The following SSH2 variants were observed in gnomAD, a reference collection of about 807,000 sequenced individuals.
SSH2 encodes protein phosphatase Slingshot homolog 2.
Under a neutral mutation model 135.2 loss-of-function variants are expected in SSH2, and 37 were observed. The ratio of observed to expected loss-of-function variants is 0.27; its 90% CI spans 0.21 to 0.36. SSH2 has a LOEUF of 0.36. Ranked by LOEUF, SSH2 falls within the 10% of genes least tolerant of loss-of-function variation. The probability of loss-of-function intolerance (pLI) is 1.00; values close to 1 mark genes in which losing one functional copy is unlikely to be tolerated. For missense variants in SSH2, 1,408 were observed against 1,765.3 expected (o/e 0.80, Z 3.63); for synonymous variants, 628 against 646.2 (o/e 0.97, Z 0.43).
At chr17:29,909,188 C>A (rs1179812531) in intron 1 of SSH2, among the ~76,000 whole-genome samples, 1 of 152,126 alleles carries the variant, frequency 6.6e-6, no homozygotes, top group Non-Finnish European at 1.5e-5. Flanking sequence ...CATGACTTCT[C>A]TTATAGGAAA....
At chr17:29,896,487 G>A (rs1207069140) in intron 1 of SSH2, among the ~76,000 whole-genome samples, 1 of 149,442 alleles carries the variant, frequency 6.7e-6, no homozygotes, top group African/African-American at 2.4e-5. Flanking sequence ...ACTATGCCAT[G>A]TTATAACAGG....
At chr17:29,898,311 A>C (rs1187764532) in intron 1 of SSH2, among the ~76,000 whole-genome samples, 2 of 152,178 alleles carry the variant, frequency 1.3e-5, no homozygotes, top group Non-Finnish European at 2.9e-5. Flanking sequence ...AGACACAAAA[A>C]AACCCTTCAA....
intron 3 of SSH2, among the ~76,000 whole-genome samples, chr17:29,746,022 G>A (rs182688082): frequency 2.0e-5 from 3 of 152,226 alleles, no homozygotes; most frequent in South Asian, 2.1e-4. Context: ...TTTAAGGAAC[G>A]GGATACTTTA....
At chr17:29,840,978 C>G (rs1051587101) in intron 2 of SSH2, among the ~76,000 whole-genome samples, 2 of 152,158 alleles carry the variant, frequency 1.3e-5, no homozygotes, top group African/African-American at 4.8e-5. Flanking sequence ...TGAGCCCTCT[C>G]TCTGATTCTG....
At chr17:29,831,779 C>T (rs1219398205) in intron 2 of SSH2, among the ~76,000 whole-genome samples, 1 of 151,992 alleles carries the variant, frequency 6.6e-6, no homozygotes, top group Non-Finnish European at 1.5e-5. Flanking sequence ...GGGGTTTCGC[C>T]ATGTTGGCGA....
intron 5 of SSH2, among the ~76,000 whole-genome samples, chr17:29,694,850 G>T (rs2038657970): frequency 1.3e-5 from 2 of 152,076 alleles, no homozygotes; most frequent in Non-Finnish European, 2.9e-5. Context: ...TTGTTTTCTA[G>T]TCTCTATCTT....
chr17:29,776,147 G>A (rs1017280313), intron 3 of SSH2: 2 of 152,224 alleles, frequency 1.3e-5, no homozygotes, highest in Non-Finnish European at 2.9e-5. Flanking sequence ...AGTAAATAAA[G>A]TAAGAACTTG....
At chr17:29,810,691 C>G (rs1319390683) in intron 2 of SSH2, among the ~76,000 whole-genome samples, 2 of 152,188 alleles carry the variant, frequency 1.3e-5, no homozygotes, top group African/African-American at 4.8e-5. Flanking sequence ...TAGGCAACAT[C>G]TTTCTTGTAC....
At chr17:29,899,736 T>G (rs551477921) in intron 1 of SSH2, among the ~76,000 whole-genome samples, 9 of 151,696 alleles carry the variant, frequency 5.9e-5, no homozygotes, top group Non-Finnish European at 1.0e-4. Flanking sequence ...AATGCCATCC[T>G]GATCAAGCTA....
intron 3 of SSH2, among the ~76,000 whole-genome samples, chr17:29,724,622 G>A (rs2039938489): frequency 8.8e-6 from 1 of 113,324 alleles, no homozygotes; most frequent in African/African-American, 3.6e-5. Flanking sequence ...ACAGAGTCTC[G>A]CTCATTGCCC....
intron 3 of SSH2, among the ~76,000 whole-genome samples, chr17:29,736,342 T>C (rs1313564917): frequency 6.6e-6 from 1 of 152,180 alleles, no homozygotes; most frequent in Non-Finnish European, 1.5e-5. Flanking sequence ...ACAGTACTTA[T>C]TTTCCAGCAG....
intron 3 of SSH2, among the ~76,000 whole-genome samples, chr17:29,729,786 A>G (rs2040118541): frequency 6.6e-6 from 1 of 152,062 alleles, no homozygotes. Context: ...CAGGCACAGA[A>G]AGACAAACTT....
At chr17:29,917,535 TCTG>T (rs1353888048) in intron 1 of SSH2, among the ~76,000 whole-genome samples, 1 of 152,214 alleles carries the variant, frequency 6.6e-6, no homozygotes, top group African/African-American at 2.4e-5. Context: ...TCAACAAACT[TCTG>T]CTGAACTGCC....
Position 29,634,690 on chromosome 17 carries a change from C to T in SSH2, c.2262+1278G>A, listed in dbSNP as rs2035822919. ...GCCTCAGCCTCCCAGGTAGCTGGGA[C>T]TACAGGTGCGCGCCACCACGCCCAG... On this transcript the variant is annotated intron_variant, in intron 15 of 15. Transcript: ENST00000540801. 2.0e-5 allele frequency among the ~76,000 whole-genome samples: 3 copies of T among 151,864 alleles called. No homozygotes were observed. The South Asian group carries it at 6.2e-4, about 32-fold the overall frequency.
At chr17:29,816,230 G>A (rs1220394310) in intron 2 of SSH2, among the ~76,000 whole-genome samples, 2 of 152,134 alleles carry the variant, frequency 1.3e-5, no homozygotes, top group African/African-American at 4.8e-5. Flanking sequence ...GCCAAAGAAC[G>A]AATATAAAGT....
At chr17:29,710,794 T>C (rs1448325409) in intron 3 of SSH2, among the ~76,000 whole-genome samples, 4 of 152,216 alleles carry the variant, frequency 2.6e-5, no homozygotes, top group African/African-American at 9.6e-5. Context: ...CCTTGATGTA[T>C]GCAACCTGGC....
rs1274196878 is a variant in SSH2, at chr17:29,626,440, T to A, written c.*4401A>T. On this transcript the variant is annotated 3_prime_UTR_variant, in exon 16 of 16. Transcript: ENST00000540801. ...TTTTAGTTTGGGTATTAGCTCTGCA[T>A]GTGTACACAGGACGCTGCCACCAGC... 6.5e-6 allele frequency: 1 copy of A among 152,778 alleles called. No individual in the cohort carries two copies. Among genetic ancestry groups the A allele is most frequent in the Non-Finnish European group, 1.5e-5 (1 of 68,044 alleles). The allele number at this position is 152,778 out of a possible 1,614,324, so 9.5% of individuals were successfully genotyped here. A position where few individuals can be genotyped will look rare whatever the true frequency, so the allele number is the denominator to read the frequency against.
chr17:29,919,948 T>G (rs1420805160), intron 1 of SSH2, among the ~76,000 whole-genome samples: 1 of 152,142 alleles, frequency 6.6e-6, no homozygotes, highest in African/African-American at 2.4e-5. Context: ...TCCCTCTTGT[T>G]GCCCAGGCTG....
rs1360129067 is a variant in SSH2, at chr17:29,626,156, AGCACCT to A, written c.*4679_*4684del. The A allele has an allele frequency of 1.3e-5, 2 of 152,580 alleles. No individual in the cohort carries two copies. Among genetic ancestry groups the A allele is most frequent in the East Asian group, 3.8e-4 (2 of 5,198 alleles). The allele number at this position is 152,580 out of a possible 1,614,324, so 9.5% of individuals were successfully genotyped here. Reference sequence around the variant, plus strand: ...CAAAAATGTCCCAGAGATTCCAGGGAGCACCTGCTTTAATAAAACATGAGCATAAAA... The same window carrying A: ...CAAAAATGTCCCAGAGATTCCAGGGAGCTTTAATAAAACATGAGCATAAAA... On this transcript the variant is annotated 3_prime_UTR_variant, in exon 16 of 16. Coordinates refer to ENST00000540801, the MANE Select transcript of SSH2 (RefSeq NM_001282129.2).
Sources: allele counts gnomAD v4.1 joint callset (sites outside exome capture counted in the v4.1 genomes callset), GRCh38; gene constraint gnomAD v4.1.1; transcripts MANE v1.5; gene names NCBI Gene and HGNC (gene_info 2026-07-23, HGNC 2026-07-21).